Variants in STX17 observed in about 807,000 individuals in gnomAD.
STX17 encodes syntaxin-17.
A neutral mutation model predicts 35.9 loss-of-function variants in STX17; 29 were observed. That is an observed-to-expected ratio of 0.81 (90% CI 0.60 to 1.10). The LOEUF (loss-of-function observed/expected upper bound fraction) is 1.10. Ranked by LOEUF, STX17 falls within the 50% of genes least tolerant of loss-of-function variation. The pLI is 0.00. For missense variants in STX17, 312 were observed against 352.3 expected (o/e 0.89, Z 0.92); for synonymous variants, 92 against 118.3 (o/e 0.78, Z 1.44).
chr9:99,952,266 AAC>A (rs1829617337), intron 4 of STX17, among the ~76,000 whole-genome samples: 1 of 152,186 alleles, frequency 6.6e-6, no homozygotes, highest in Non-Finnish European at 1.5e-5. Context: ...GCAGCCAAAA[AAC>A]ACATGAAAAA....
intron 1 of STX17, among the ~76,000 whole-genome samples, chr9:99,909,479 A>G (rs991928498): frequency 5.9e-5 from 9 of 152,242 alleles, no homozygotes; most frequent in African/African-American, 2.2e-4. Flanking sequence ...ATATAAAGAT[A>G]ATCTCTTTGT....
chr9:99,925,430 T>G (rs1828968692), intron 2 of STX17, among the ~76,000 whole-genome samples: 1 of 152,168 alleles, frequency 6.6e-6, no homozygotes, highest in Non-Finnish European at 1.5e-5. Flanking sequence ...TGTATCCGTA[T>G]GTGCCATTTT....
At chr9:99,940,431 T>C (rs901886070) in intron 3 of STX17, among the ~76,000 whole-genome samples, 1 of 151,456 alleles carries the variant, frequency 6.6e-6, no homozygotes, top group Non-Finnish European at 1.5e-5. Flanking sequence ...ATTGTTTTTA[T>C]AGTGTCAGAT....
chr9:99,954,789 T>C (rs1438717716), intron 4 of STX17, among the ~76,000 whole-genome samples: 1 of 152,082 alleles, frequency 6.6e-6, no homozygotes, highest in Non-Finnish European at 1.5e-5. Flanking sequence ...CACATTTCCA[T>C]GAGTAAGATC....
At chr9:99,923,735 A>G (rs1828934710) in intron 2 of STX17, among the ~76,000 whole-genome samples, 1 of 152,200 alleles carries the variant, frequency 6.6e-6, no homozygotes, top group Non-Finnish European at 1.5e-5. Context: ...GAACTTCTAA[A>G]CAACCAGCTT....
At chr9:99,928,934 T>A in intron 3 of STX17, 91 bp downstream of exon 3, 1 of 1,068,132 alleles carries the variant, frequency 9.4e-7, no homozygotes, top group Non-Finnish European at 1.4e-6. Flanking sequence ...AGCTGAACCC[T>A]TTTATACACA....
intron 2 of STX17, among the ~76,000 whole-genome samples, chr9:99,923,940 A>G (rs983543677): frequency 1.3e-5 from 2 of 152,158 alleles, no homozygotes; most frequent in African/African-American, 2.4e-5. Flanking sequence ...CCCTTCAGGA[A>G]CCTCCATGTG....
chr9:99,957,665 T>C (rs1020586908), intron 4 of STX17, among the ~76,000 whole-genome samples: 9 of 151,260 alleles, frequency 6.0e-5, no homozygotes, highest in Non-Finnish European at 1.0e-4. Context: ...TGTTTTTTTT[T>C]TTTTTTTGAG....
At position 99,928,821 on chromosome 9, in the gene STX17, T is replaced by A; in HGVS notation, c.167T>A (p.Ile56Asn). The A allele has an allele frequency of 1.2e-6, 2 of 1,613,626 alleles. No individual in the cohort carries two copies. The highest frequency in any genetic ancestry group is 2.2e-5 in the South Asian group (2 of 91,060). The change falls in exon 3 of 8, where the codon ATC becomes AAC. Residue 56 changes from isoleucine to asparagine, a missense_variant. Transcript: ENST00000259400. ...TGGGACAAGTTGCATGAAGAGCATATCAATGCAGGACGTACAGTTCAGGTA... is the reference window on the plus strand; with the variant it reads ...TGGGACAAGTTGCATGAAGAGCATAACAATGCAGGACGTACAGTTCAGGTA... ...RIWDKLHEEH[I>N]NAGRTVQQLR...
intron 2 of STX17, among the ~76,000 whole-genome samples, chr9:99,924,727 C>T (rs1013508214): frequency 5.9e-5 from 9 of 152,116 alleles, no homozygotes; most frequent in Admixed American, 5.2e-4. Context: ...TTTTTTCTAG[C>T]CTTTGCCCCA....
intron 2 of STX17, among the ~76,000 whole-genome samples, chr9:99,918,001 A>G (rs1210826442): frequency 2.6e-5 from 4 of 152,244 alleles, no homozygotes; most frequent in African/African-American, 7.2e-5. Context: ...CCCATCCTCA[A>G]CTTGGTTCTA....
chr9:99,935,967 G>A (rs1359862658), intron 3 of STX17, among the ~76,000 whole-genome samples: 2 of 152,216 alleles, frequency 1.3e-5, no homozygotes, highest in Non-Finnish European at 2.9e-5. Context: ...TCAGATCATG[G>A]AGAGCCTTGC....
In STX17 at chr9:99,971,288, C is replaced by CT. The variant is rs5899399; in HGVS notation, c.*2630dup. Among the ~76,000 whole-genome samples, 230 of 147,256 alleles carry CT rather than the reference C, an allele frequency of 1.6e-3. No individual in the cohort carries two copies. The highest frequency in any genetic ancestry group is 6.8e-3 in the South Asian group (31 of 4,592). On this transcript the variant is annotated 3_prime_UTR_variant, in exon 8 of 8. Transcript: ENST00000259400. ...TGGATAAAGGCAGCAATCCTAAGGA[C>CT]TTTTTTTTTTTTTTTAACATAATCT...
At chr9:99,907,140 A>C (rs560406759) in intron 1 of STX17, 1 of 152,368 alleles carries the variant, frequency 6.6e-6, no homozygotes, top group South Asian at 2.1e-4. Context: ...GCGACGCTCG[A>C]TGGTAGTGAG....
chr9:99,914,657 A>G (rs947058177), intron 1 of STX17, among the ~76,000 whole-genome samples: 2 of 152,204 alleles, frequency 1.3e-5, no homozygotes, highest in Non-Finnish European at 2.9e-5. Flanking sequence ...ATATTATGTT[A>G]TCATATATTT....
At chr9:99,945,860 T>C (rs1829472365) in intron 3 of STX17, 1 of 225,576 alleles carries the variant, frequency 4.4e-6, no homozygotes, top group Non-Finnish European at 8.9e-6. Flanking sequence ...GGTGGGTGGA[T>C]CACCTGAGGT....
At chr9:99,912,016 C>T (rs1471291839) in intron 1 of STX17, among the ~76,000 whole-genome samples, 1 of 152,190 alleles carries the variant, frequency 6.6e-6, no homozygotes, top group Non-Finnish European at 1.5e-5. Context: ...CACCTGAGGT[C>T]AGGAGTTCGA....
rs117642601 is a variant in STX17, at chr9:99,925,470, C to T, written c.124-3308C>T. 6.6e-5 allele frequency among the ~76,000 whole-genome samples: 10 copies of T among 152,178 alleles called. No individual in the cohort carries two copies. In the East Asian group the frequency reaches 7.7e-4, roughly 12 times the overall value. ...GCTCTTCGTTCATTTGTGTAGAATCCGGTTTCTGTCAGGTATCCCCTTTCT... is the reference window on the plus strand; with the variant it reads ...GCTCTTCGTTCATTTGTGTAGAATCTGGTTTCTGTCAGGTATCCCCTTTCT... On this transcript the variant is annotated intron_variant, in intron 2 of 7. Transcript: ENST00000259400.
At chr9:99,932,395 AT>A (rs869025730) in intron 3 of STX17, among the ~76,000 whole-genome samples, 1 of 89,596 alleles carries the variant, frequency 1.1e-5, no homozygotes, top group African/African-American at 4.9e-5. Flanking sequence ...TTATCTCTCT[AT>A]AGCTGTATTT....
Sources: allele counts gnomAD v4.1 joint callset (sites outside exome capture counted in the v4.1 genomes callset), GRCh38; gene constraint gnomAD v4.1.1; transcripts MANE v1.5; gene names NCBI Gene and HGNC (gene_info 2026-07-23, HGNC 2026-07-21).